Variants in ADCY8 observed in about 807,000 individuals in gnomAD.
ADCY8 encodes adenylate cyclase 8, also known as adenylate cyclase type 8.
ADCY8 carries 51 observed loss-of-function variants against 119.7 expected under a neutral mutation model. The observed-to-expected ratio is 0.43, with a 90% confidence interval of 0.34 to 0.54. The LOEUF (loss-of-function observed/expected upper bound fraction) is 0.54. ADCY8 is among the 20% of genes least tolerant of loss of function. ADCY8 has a pLI of 0.03. For missense variants in ADCY8, 1,383 were observed against 1,598.8 expected (o/e 0.87, Z 2.30); for synonymous variants, 665 against 651.0 (o/e 1.02, Z -0.33).
intron 7 of ADCY8, among the ~76,000 whole-genome samples, chr8:130,886,375 G>A (rs550958735): frequency 5.9e-4 from 90 of 152,178 alleles, no homozygotes; most frequent in Non-Finnish European, 1.1e-3. Flanking sequence ...AAGGGCTGGA[G>A]CAGAGACAAG....
chr8:130,865,136 G>A (rs1189285762), intron 9 of ADCY8, among the ~76,000 whole-genome samples: 1 of 152,224 alleles, frequency 6.6e-6, no homozygotes, highest in African/African-American at 2.4e-5. Context: ...AGTTCTTTCA[G>A]CTGTTAGTAT....
chr8:130,987,412 C>T (rs748749405), intron 2 of ADCY8, among the ~76,000 whole-genome samples: 1 of 152,102 alleles, frequency 6.6e-6, no homozygotes, highest in Non-Finnish European at 1.5e-5. Context: ...CATTGCTCAG[C>T]AGAGCTCCTG....
intron 10 of ADCY8, among the ~76,000 whole-genome samples, 155 bp from the exon 11 acceptor site, chr8:130,847,668 A>G (rs1160568405): frequency 6.6e-6 from 1 of 152,178 alleles, no homozygotes; most frequent in Admixed American, 6.5e-5. Context: ...TGAAGTCAGA[A>G]TGGAAGTGCC....
intron 5 of ADCY8, among the ~76,000 whole-genome samples, chr8:130,936,030 T>A (rs1820774225): frequency 6.6e-6 from 1 of 151,254 alleles, no homozygotes; most frequent in South Asian, 2.1e-4. Flanking sequence ...CCTAGATCAA[T>A]TAAGTCTGAG....
chr8:130,825,912 A>G (rs936124193), intron 12 of ADCY8, among the ~76,000 whole-genome samples: 1 of 152,220 alleles, frequency 6.6e-6, no homozygotes, highest in Non-Finnish European at 1.5e-5. Flanking sequence ...GAGACACTAA[A>G]GAGACTCAGC....
intron 14 of ADCY8, among the ~76,000 whole-genome samples, chr8:130,811,097 G>A (rs1311565822): frequency 6.6e-6 from 1 of 152,148 alleles, no homozygotes; most frequent in East Asian, 1.9e-4. Flanking sequence ...ACCTTAGGGA[G>A]CCTTGAGGAA....
chr8:130,804,379 C>A (rs1437621822), intron 14 of ADCY8, among the ~76,000 whole-genome samples: 2 of 152,152 alleles, frequency 1.3e-5, no homozygotes, highest in African/African-American at 4.8e-5. Flanking sequence ...TATTAGGGCA[C>A]CAGTCATGTT....
intron 11 of ADCY8, among the ~76,000 whole-genome samples, chr8:130,841,142 C>T (rs11777147): frequency 0.034 from 5,100 of 152,096 alleles, 118 homozygotes; most frequent in South Asian, 0.082. Flanking sequence ...TGTAAATCAG[C>T]GATTAAGTTG....
intron 5 of ADCY8, among the ~76,000 whole-genome samples, chr8:130,926,295 G>A (rs1409904805): frequency 6.7e-6 from 1 of 148,906 alleles, no homozygotes; most frequent in African/African-American, 2.5e-5. Flanking sequence ...CATTGTTCAA[G>A]CCTTTGTTTC....
chr8:130,941,104 A>G (rs539331841), intron 4 of ADCY8, among the ~76,000 whole-genome samples: 9 of 152,370 alleles, frequency 5.9e-5, no homozygotes, highest in Middle Eastern at 3.4e-3. Context: ...AGAAATCCCA[A>G]AAAACTTTAT....
intron 2 of ADCY8, among the ~76,000 whole-genome samples, chr8:130,955,804 A>T (rs1586603758): frequency 6.6e-6 from 1 of 152,240 alleles, no homozygotes; most frequent in East Asian, 1.9e-4. Flanking sequence ...TGATGCAAAG[A>T]AATGCCTAGG....
chr8:130,941,686 G>C (rs1203999659), intron 4 of ADCY8, among the ~76,000 whole-genome samples: 1 of 152,040 alleles, frequency 6.6e-6, no homozygotes, highest in East Asian at 1.9e-4. Flanking sequence ...GCTAGTAGCT[G>C]TTCAGTAGCT....
At chr8:130,852,371 G>A (rs1428238161) in intron 9 of ADCY8, among the ~76,000 whole-genome samples, 2 of 151,956 alleles carry the variant, frequency 1.3e-5, no homozygotes, top group Non-Finnish European at 2.9e-5. Context: ...GTTCCCAGAG[G>A]GCTCTAGGCA....
intron 1 of ADCY8, 106 bp downstream of exon 1, chr8:131,039,268 G>A (rs1016532639): frequency 2.7e-6 from 4 of 1,473,810 alleles, no homozygotes; most frequent in Admixed American, 2.0e-5. Context: ...CCAGACTGAA[G>A]GCGGAGACTT....
chr8:130,803,124 A>C (rs1368279609), intron 14 of ADCY8, among the ~76,000 whole-genome samples: 1 of 152,214 alleles, frequency 6.6e-6, no homozygotes, highest in Non-Finnish European at 1.5e-5. Flanking sequence ...GAAGAACCCA[A>C]ACAAAGACAC....
chr8:130,920,040 G>A lies in ADCY8; in HGVS notation c.1482-10174C>T, dbSNP rs561990622. 8.0e-4 allele frequency among the ~76,000 whole-genome samples: 121 copies of A among 151,852 alleles called. 1 individual carries two copies. The highest frequency in any genetic ancestry group is 2.7e-3 in the African/African-American group (110 of 41,398). ...TGCCTATAATCCCGGCTACTTGGAA[G>A]GCTGAGGTGGGAAGATCCCCTGAGC... On this transcript the variant is annotated intron_variant, in intron 5 of 17. Transcript: ENST00000286355.
intron 2 of ADCY8, among the ~76,000 whole-genome samples, chr8:130,954,714 C>T (rs762303500): frequency 1.6e-4 from 25 of 152,210 alleles, no homozygotes; most frequent in Admixed American, 4.6e-4. Context: ...TACCTAGCAA[C>T]ATGAGCACCT....
Position 130,899,766 on chromosome 8 carries a change from C to G in ADCY8, c.1911+4006G>C, listed in dbSNP as rs112276372. ...TATAGATTTTACTCAGAGCATGCAGCAGAAAAGGAAAATATAACCTTTATG... is the reference window on the plus strand; with the variant it reads ...TATAGATTTTACTCAGAGCATGCAGGAGAAAAGGAAAATATAACCTTTATG... On this transcript the variant is annotated intron_variant, in intron 7 of 17. Coordinates refer to ENST00000286355, the MANE Select transcript of ADCY8 (RefSeq NM_001115.3). 7.2e-3 allele frequency among the ~76,000 whole-genome samples: 1,101 copies of G among 152,242 alleles called. 12 individuals are homozygous for G. The highest frequency in any genetic ancestry group is 0.025 in the African/African-American group (1,046 of 41,540).
intron 5 of ADCY8, among the ~76,000 whole-genome samples, chr8:130,929,758 T>C (rs1820577967): frequency 6.6e-6 from 1 of 152,200 alleles, no homozygotes; most frequent in South Asian, 2.1e-4. Context: ...ATAGTTATAA[T>C]ATAGTATTAT....
Sources: gnomAD v4.1 joint callset for allele counts (sites outside exome capture counted in the v4.1 genomes callset) on GRCh38, gnomAD v4.1.1 for gene constraint, MANE v1.5 for transcripts, NCBI Gene and HGNC (gene_info 2026-07-23, HGNC 2026-07-21) for gene names.